Variants in PSMA1 observed in about 807,000 individuals in gnomAD.
The protein encoded by PSMA1 is proteasome subunit alpha type-1.
Under a neutral mutation model 38.4 loss-of-function variants are expected in PSMA1, and 3 were observed. The observed-to-expected ratio is 0.08, with a 90% confidence interval of 0.04 to 0.20. PSMA1 has a LOEUF of 0.20. Ranked by LOEUF, PSMA1 falls within the 10% of genes least tolerant of loss-of-function variation. The pLI, the probability that PSMA1 is intolerant of heterozygous loss-of-function variation, is 1.00. For synonymous variants in PSMA1, 101 were observed against 107.1 expected (o/e 0.94, Z 0.35); for missense variants, 227 against 325.3 (o/e 0.70, Z 2.32).
At chr11:14,619,812 G>A (rs976286219) in intron 1 of PSMA1, among the ~76,000 whole-genome samples, 7 of 152,076 alleles carry the variant, frequency 4.6e-5, no homozygotes, top group African/African-American at 1.7e-4. Flanking sequence ...GATGAGTACT[G>A]GGAAAAATTT....
At chr11:14,520,509 C>G (rs1368451003), upstream of PSMA1, 4 of 1,429,460 alleles carry the variant, frequency 2.8e-6, no homozygotes, top group South Asian at 2.9e-5. Context: ...GGCGGAGCCT[C>G]GGAAGATCTA....
intron 1 of PSMA1, among the ~76,000 whole-genome samples, chr11:14,628,167 T>A (rs1247424289): frequency 6.6e-6 from 1 of 152,204 alleles, no homozygotes; most frequent in Non-Finnish European, 1.5e-5. Flanking sequence ...GGAATAGTTT[T>A]TCTTTTTTTT....
At chr11:14,518,731 C>G (rs113917723) in intron 2 of PSMA1, among the ~76,000 whole-genome samples, 2 of 152,096 alleles carry the variant, frequency 1.3e-5, no homozygotes, top group African/African-American at 2.4e-5. Context: ...TTTACTCTCT[C>G]TATATATATA....
At chr11:14,580,357 T>C (rs1287756392) in intron 2 of PSMA1, among the ~76,000 whole-genome samples, 3 of 152,200 alleles carry the variant, frequency 2.0e-5, no homozygotes, top group Non-Finnish European at 2.9e-5. Flanking sequence ...TCCATCTGCT[T>C]GGAATGCTAT....
At chr11:14,549,357 C>T (rs1255822425) in intron 2 of PSMA1, among the ~76,000 whole-genome samples, 1 of 152,064 alleles carries the variant, frequency 6.6e-6, no homozygotes, top group East Asian at 1.9e-4. Context: ...GAGTGAGCCC[C>T]ATTATATGCA....
intron 2 of PSMA1, among the ~76,000 whole-genome samples, chr11:14,526,502 C>A (rs1459283738): frequency 6.6e-6 from 1 of 152,186 alleles, no homozygotes; most frequent in African/African-American, 2.4e-5. Flanking sequence ...TGCCCTAATA[C>A]TTTTAGAGGC....
intron 2 of PSMA1, among the ~76,000 whole-genome samples, chr11:14,569,673 C>G (rs1454961432): frequency 6.6e-6 from 1 of 152,208 alleles, no homozygotes; most frequent in African/African-American, 2.4e-5. Context: ...GTGCGTCTGC[C>G]ATTGCTGAGG....
intron 1 of PSMA1, among the ~76,000 whole-genome samples, chr11:14,627,243 A>G (rs1852922851): frequency 6.6e-6 from 1 of 152,210 alleles, no homozygotes; most frequent in African/African-American, 2.4e-5. Context: ...CATAACACTC[A>G]TCATTAAGTA....
intron 1 of PSMA1, among the ~76,000 whole-genome samples, chr11:14,625,053 C>G (rs1200232629): frequency 1.3e-5 from 2 of 152,152 alleles, no homozygotes; most frequent in African/African-American, 4.8e-5. Flanking sequence ...AGTTTTCCCT[C>G]AGGAAGAAAA....
At chr11:14,548,874 A>G (rs570601025) in intron 2 of PSMA1, among the ~76,000 whole-genome samples, 207 of 152,358 alleles carry the variant, frequency 1.4e-3, no homozygotes, top group African/African-American at 4.6e-3. Flanking sequence ...AAGATCCAAT[A>G]AAGAGATTTC....
intron 2 of PSMA1, among the ~76,000 whole-genome samples, chr11:14,542,571 T>A (rs1312352871): frequency 6.6e-6 from 1 of 152,202 alleles, no homozygotes; most frequent in East Asian, 1.9e-4. Flanking sequence ...GACAATGGCT[T>A]CCTTTGGAAG....
chr11:14,514,763 C>T (rs1851399535), intron 4 of PSMA1, among the ~76,000 whole-genome samples: 1 of 152,112 alleles, frequency 6.6e-6, no homozygotes, highest in Non-Finnish European at 1.5e-5. Flanking sequence ...GAAGGCTGAA[C>T]AAAAGAAAAA....
At chr11:14,606,196 A>G (rs1466792299) in intron 2 of PSMA1, among the ~76,000 whole-genome samples, 1 of 152,220 alleles carries the variant, frequency 6.6e-6, no homozygotes, top group Non-Finnish European at 1.5e-5. Context: ...ATAAGCGTGC[A>G]GCTTTATTTC....
At chr11:14,508,642 T>G (rs1021773274) in intron 8 of PSMA1, among the ~76,000 whole-genome samples, 10 of 144,720 alleles carry the variant, frequency 6.9e-5, no homozygotes, top group African/African-American at 2.6e-4. Context: ...GCTATTCAGG[T>G]AATTCATGTG....
chr11:14,515,703 G>A (rs1023332125), intron 4 of PSMA1, among the ~76,000 whole-genome samples: 1 of 151,578 alleles, frequency 6.6e-6, no homozygotes, highest in Non-Finnish European at 1.5e-5. Context: ...ACAGGTGCCT[G>A]CCACCACGTT....
chr11:14,505,012 G>T lies in PSMA1; in HGVS notation c.*180C>A, dbSNP rs980474655. ...TATACAGACCCTTTCAAAGAAAAAT[G>T]TATTCCATTATATAGGTTTCAGTGA... On this transcript the variant is annotated 3_prime_UTR_variant, in exon 10 of 10. Coordinates refer to ENST00000396394, the MANE Select transcript of PSMA1 (RefSeq NM_002786.4). The T allele has an allele frequency of 5.0e-6, 3 of 596,028 alleles. No individual in the cohort carries two copies. Among genetic ancestry groups the T allele is most frequent in the East Asian group, 5.3e-5 (2 of 37,458 alleles). The allele number at this position is 596,028 out of a possible 1,614,324, so 36.9% of individuals were successfully genotyped here. A position where few individuals can be genotyped will look rare whatever the true frequency, so the allele number is the denominator to read the frequency against.
At chr11:14,620,371 A>G (rs1335374264) in intron 1 of PSMA1, among the ~76,000 whole-genome samples, 1 of 152,200 alleles carries the variant, frequency 6.6e-6, no homozygotes, top group East Asian at 1.9e-4. Context: ...CAAGGGTTAT[A>G]GAAAAGGCCA....
chr11:14,631,306 G>A (rs549107008), intron 1 of PSMA1, among the ~76,000 whole-genome samples: 4 of 151,980 alleles, frequency 2.6e-5, no homozygotes, highest in Middle Eastern at 3.2e-3. Flanking sequence ...GGCATTTAGT[G>A]CAATAAATTT....
intron 2 of PSMA1, among the ~76,000 whole-genome samples, chr11:14,518,358 C>CA (rs1851470287): frequency 6.6e-6 from 1 of 152,152 alleles, no homozygotes; most frequent in Non-Finnish European, 1.5e-5. Context: ...CTTGGCCTCC[C>CA]AAAGTGCTGG....
Sources: allele counts gnomAD v4.1 joint callset (sites outside exome capture counted in the v4.1 genomes callset), GRCh38; gene constraint gnomAD v4.1.1; transcripts MANE v1.5; gene names NCBI Gene and HGNC (gene_info 2026-07-23, HGNC 2026-07-21).